The following URB2 variants were observed in gnomAD, a reference collection of about 807,000 sequenced individuals.
URB2 encodes URB2 ribosome biogenesis homolog, also known as unhealthy ribosome biogenesis protein 2 homolog.
URB2 carries 86 observed loss-of-function variants against 120.9 expected under a neutral mutation model. That is an observed-to-expected ratio of 0.71 (90% confidence interval 0.60 to 0.85). The LOEUF is 0.85. URB2 is among the 40% of genes least tolerant of loss of function. URB2 has a pLI of 0.00. For missense variants in URB2, 1,765 were observed against 1,836.5 expected (o/e 0.96, Z 0.71); for synonymous variants, 755 against 758.4 (o/e 1.00, Z 0.07).
chr1:229,640,599 G>A (rs540226164), intron 4 of URB2, among the ~76,000 whole-genome samples: 9 of 152,256 alleles, frequency 5.9e-5, no homozygotes, highest in Non-Finnish European at 1.0e-4. Context: ...AAGCTGTGAC[G>A]GGTGGGGCCA....
chr1:229,643,304 TTC>T (rs1310192248), intron 4 of URB2, among the ~76,000 whole-genome samples: 1 of 152,264 alleles, frequency 6.6e-6, no homozygotes, highest in Non-Finnish European at 1.5e-5. Flanking sequence ...GGCTGTCGTC[TTC>T]TGTGTTTGTG....
chr1:229,631,739 GC>G (rs1259905401), intron 2 of URB2, among the ~76,000 whole-genome samples: 1 of 152,168 alleles, frequency 6.6e-6, no homozygotes, highest in Non-Finnish European at 1.5e-5. Flanking sequence ...GGTTCATGGT[GC>G]CCCAAAACAA....
rs75351592 is a variant in URB2 at position 229,628,552 on chromosome 1, A to C, written c.126+793A>C. On this transcript the variant is annotated intron_variant, in intron 2 of 9. Transcript: ENST00000258243. Reference sequence around the variant, plus strand: ...GAAGTTAGGTTCTGAAAGTCCATTGATAGCTGCATTTGCTTATAAATCCAA... The same window carrying C: ...GAAGTTAGGTTCTGAAAGTCCATTGCTAGCTGCATTTGCTTATAAATCCAA... Among the ~76,000 whole-genome samples the C allele has an allele frequency of 2.0e-5, 3 of 152,284 alleles. No individual in the cohort carries two copies. In the East Asian group the frequency reaches 5.8e-4, roughly 29 times the overall value.
At position 229,643,610 on chromosome 1, in the gene URB2, G is replaced by T; in HGVS notation, c.3712G>T (p.Gly1238Trp). 1 of 1,614,224 alleles carries T rather than the reference G, an allele frequency of 6.2e-7. No homozygotes were observed. The highest frequency in any genetic ancestry group is 1.7e-5 in the Admixed American group (1 of 60,030). The change falls in exon 5 of 10, where the codon GGG (glycine) becomes TGG (tryptophan). Residue 1238 changes from glycine to tryptophan, a missense_variant. Coordinates refer to ENST00000258243, the MANE Select transcript of URB2 (RefSeq NM_014777.4). ...CTTGTTCACCCAAATGTTAGAGGTT[G>T]GGACGACAGAGGACTTGAGGCTGGT... The part of the protein sequence containing the change: ...GALFTQMLEV[G>W]TTEDLRLVMQ...
chr1:229,635,934 A>G lies in URB2; in HGVS notation c.1321A>G (p.Thr441Ala). 1 of 1,614,226 alleles carries G rather than the reference A, an allele frequency of 6.2e-7. No homozygotes were observed. The highest frequency in any genetic ancestry group is 8.5e-7 in the Non-Finnish European group (1 of 1,180,040). The change falls in exon 4 of 10, where the codon ACA becomes GCA. Residue 441 changes from threonine (T) to alanine (A), a missense_variant. By Grantham distance (58) the Thr-to-Ala change is moderately conservative. Coordinates refer to ENST00000258243, the MANE Select transcript of URB2 (RefSeq NM_014777.4). ...LASAWIDAEV[T>A]EFRTKKAQEA... ...TTCAGCGTGGATCGATGCCGAGGTA[A>G]CAGAGTTTCGAACCAAAAAAGCCCA... is the stretch of plus-strand genomic sequence containing the variant.
At chr1:229,647,835 T>C in intron 7 of URB2, 83 bp downstream of exon 7, 1 of 1,526,918 alleles carries the variant, frequency 6.5e-7, no homozygotes. Context: ...GCAGCAAAAC[T>C]TTACTGTTGC....
At chr1:229,633,157 G>A (rs2102781553) in intron 3 of URB2, among the ~76,000 whole-genome samples, 1 of 152,320 alleles carries the variant, frequency 6.6e-6, no homozygotes, top group East Asian at 1.9e-4. Flanking sequence ...ACCCTCATGA[G>A]TGTGCGGGCT....
At chr1:229,638,469 C>A (rs1275466593) in intron 4 of URB2, among the ~76,000 whole-genome samples, 1 of 151,958 alleles carries the variant, frequency 6.6e-6, no homozygotes, top group African/African-American at 2.4e-5. Flanking sequence ...CACGGAGAAA[C>A]CCCATCTCTA....
At chr1:229,627,380 C>T (rs915832592) in intron 1 of URB2, among the ~76,000 whole-genome samples, 1 of 152,186 alleles carries the variant, frequency 6.6e-6, no homozygotes, top group African/African-American at 2.4e-5. Flanking sequence ...TACATATAGT[C>T]CATCTTCTGT....
chr1:229,637,848 G>C lies in URB2; in HGVS notation c.3235G>C (p.Glu1079Gln). ...CCTCAAAGAGCAGAAGCTGGGCCAA[G>C]AGGCCCCAGCAGCACTGTCTGAGCT... ...PFLKEQKLGQ[E>Q]APAALSELLQ... The change falls in exon 4 of 10, where the codon GAG (glutamate) becomes CAG (glutamine). Residue 1079 changes from glutamate (E) to glutamine (Q), a missense_variant. Glu to Gln is a conservative substitution (Grantham distance 29). Transcript: ENST00000258243. 6.2e-7 allele frequency: 1 copy of C among 1,605,152 alleles called. No individual in the cohort carries two copies. The highest frequency in any genetic ancestry group is 8.5e-7 in the Non-Finnish European group (1 of 1,176,340).
Position 229,638,263 on chromosome 1 carries a change from T to C in URB2, c.3634+16T>C, listed in dbSNP as rs756885742. The C allele has an allele frequency of 1.9e-6, 3 of 1,571,694 alleles. No homozygotes were observed. The Admixed American group carries it at 5.5e-5, about 29-fold the overall frequency. On this transcript the variant is annotated intron_variant, in intron 4 of 9. Coordinates refer to ENST00000258243, the MANE Select transcript of URB2 (RefSeq NM_014777.4). ...GTTCTTGCAGGTAAGATATTTTCTC[T>C]TGAGCTAATTCTGTGTTATAGAGGT...
In URB2 at chr1:229,636,106, T is replaced by A; in HGVS notation, c.1493T>A (p.Leu498His). ...PVLASGPSTVLSACLLELPPS... is the reference protein window; with the variant it reads ...PVLASGPSTVHSACLLELPPS... ...CTGGCCTCGGGCCCCTCCACGGTAC[T>A]CTCTGCATGCCTCCTGGAGCTGCCT... Residue 498 changes from leucine to histidine, a missense_variant, in exon 4 of 10, where the codon CTC (leucine) becomes CAC (histidine). Coordinates refer to ENST00000258243, the MANE Select transcript of URB2 (RefSeq NM_014777.4). 1 of 1,614,252 alleles carries A rather than the reference T, an allele frequency of 6.2e-7. No homozygotes were observed. The highest frequency in any genetic ancestry group is 8.5e-7 in the Non-Finnish European group (1 of 1,180,038).
rs1251795159 is a variant in URB2, at chr1:229,632,354, G to A, written c.212G>A (p.Trp71Ter). 28 of 1,591,678 alleles carry A rather than the reference G, an allele frequency of 1.8e-5. No homozygotes were observed. Among genetic ancestry groups the A allele is most frequent in the Non-Finnish European group, 2.3e-5 (27 of 1,172,584 alleles). The change falls in exon 3 of 10, where the codon TGG (tryptophan) becomes TAG (stop). Residue 71 changes from tryptophan to a stop codon, truncating the protein, a stop_gained. Transcript: ENST00000258243. LOFTEE classifies it high-confidence loss of function. ...AAGGAAGATATTGTTGAAAGGCTTT[G>A]GATCTATATAGATAACATTTTACAT... The part of the protein sequence containing the change: ...ELKEDIVERL[W>*]IYIDNILHSR...
intron 2 of URB2, among the ~76,000 whole-genome samples, chr1:229,629,861 A>G (rs761777435): frequency 6.6e-6 from 1 of 152,210 alleles, no homozygotes; most frequent in African/African-American, 2.4e-5. Context: ...TTTAAGTTCT[A>G]TTCTCAATCC....
intron 4 of URB2, among the ~76,000 whole-genome samples, chr1:229,640,618 C>A (rs1039174973): frequency 3.3e-5 from 5 of 152,018 alleles, no homozygotes; most frequent in African/African-American, 1.2e-4. Flanking sequence ...CACGGGCGTG[C>A]CTTTCGGTAC....
Position 229,635,320 on chromosome 1 carries a change from A to G in URB2, c.707A>G (p.Gln236Arg). Residue 236 changes from glutamine (Q) to arginine (R), a missense_variant, in exon 4 of 10, where the codon CAG becomes CGG. By Grantham distance (43) the Gln-to-Arg change is conservative. Coordinates refer to ENST00000258243, the MANE Select transcript of URB2 (RefSeq NM_014777.4). ...RQVLSRDIRS[Q>R]IEAMFRGGIF... ...GTGCTGAGCCGGGACATCAGGAGTC[A>G]GATTGAGGCCATGTTCCGAGGAGGG... 2 of 1,614,170 alleles carry G rather than the reference A, an allele frequency of 1.2e-6. No homozygotes were observed. Among genetic ancestry groups the G allele is most frequent in the Non-Finnish European group, 1.7e-6 (2 of 1,179,988 alleles).
Position 229,654,528 on chromosome 1 carries a change from T to C in URB2, c.4377+140T>C, listed in dbSNP as rs547423611. 7.1e-6 allele frequency: 9 copies of C among 1,263,116 alleles called. No homozygotes were observed. In the African/African-American group the frequency reaches 1.0e-4, roughly 14 times the overall value. 78.2% of individuals were successfully genotyped at this position (1,263,116 alleles called of 1,614,324 possible). A position where few individuals can be genotyped will look rare whatever the true frequency, so the allele number is the denominator to read the frequency against. ...GCAAGTTTTAGACAGGGTTTTGCTC[T>C]CTCACTCAGGCTGGAGTGCATTAGT... On this transcript the variant is annotated intron_variant, in intron 9 of 9. Transcript: ENST00000258243.
chr1:229,638,985 C>T (rs1558166799), intron 4 of URB2, among the ~76,000 whole-genome samples: 1 of 152,146 alleles, frequency 6.6e-6, no homozygotes, highest in African/African-American at 2.4e-5. Context: ...CATAAATTGA[C>T]TTTAAAAAGA....
chr1:229,641,017 T>TTA (rs1198198301), intron 4 of URB2, among the ~76,000 whole-genome samples: 2 of 148,422 alleles, frequency 1.3e-5, no homozygotes, highest in Non-Finnish European at 1.5e-5. Context: ...CTCTTTTTTT[T>TTA]TTTTTTTTTT....
Sources: gnomAD v4.1 joint callset for allele counts (sites outside exome capture counted in the v4.1 genomes callset) on GRCh38, gnomAD v4.1.1 for gene constraint, MANE v1.5 for transcripts, NCBI Gene and HGNC (gene_info 2026-07-23, HGNC 2026-07-21) for gene names.